KCNC2: variants seen among roughly 807,000 people sequenced by gnomAD.
KCNC2 encodes the protein potassium voltage-gated channel subfamily C member 2, also known as voltage-gated potassium channel KCNC2.
A neutral mutation model predicts 44.5 loss-of-function variants in KCNC2; 21 were observed. The observed-to-expected ratio is 0.47, with a 90% confidence interval of 0.33 to 0.68. The LOEUF (loss-of-function observed/expected upper bound fraction) is 0.68, where lower values mean the gene tolerates loss of function less well. Among genes scored for constraint, KCNC2 ranks in the 30% least tolerant of loss-of-function variants. The pLI is 0.01. For synonymous variants in KCNC2, 391 were observed against 339.1 expected, an observed-to-expected ratio of 1.15 and a Z score of -1.68; for missense variants, 589 against 826.2, an observed-to-expected ratio of 0.71 and a Z score of 3.52.
At chr12:75,066,328 G>T (rs968633217) in intron 2 of KCNC2, among the ~76,000 whole-genome samples, 1 of 152,060 alleles carries the variant, frequency 6.6e-6, no homozygotes, top group Non-Finnish European at 1.5e-5. Flanking sequence ...TGCAGCATTG[G>T]AAGTAATATT....
intron 2 of KCNC2, among the ~76,000 whole-genome samples, chr12:75,080,855 T>C (rs983317547): frequency 1.3e-5 from 2 of 152,092 alleles, no homozygotes; most frequent in Admixed American, 6.6e-5. Context: ...AGATAGTCAT[T>C]CGAGTTTTTA....
intron 2 of KCNC2, among the ~76,000 whole-genome samples, chr12:75,090,791 T>C (rs1004497657): frequency 6.9e-6 from 1 of 145,252 alleles, no homozygotes; most frequent in Non-Finnish European, 1.5e-5. Flanking sequence ...TCATCCTCAT[T>C]ACCATCATCA....
intron 2 of KCNC2, among the ~76,000 whole-genome samples, chr12:75,111,055 G>A (rs12314773): frequency 0.14 from 21,376 of 151,946 alleles, 1,734 homozygotes; most frequent in Middle Eastern, 0.27. Context: ...CATTTTTATA[G>A]ATGATTTGCC....
chr12:75,162,766 T>C lies in KCNC2; in HGVS notation c.687+44531A>G, dbSNP rs1891202966. Among the ~76,000 whole-genome samples the C allele has an allele frequency of 2.0e-5, 3 of 151,804 alleles. No homozygotes were observed. The South Asian group carries it at 6.2e-4, about 31-fold the overall frequency. ...TTCCCTTTCTTGTGGTTGTATTCTT[T>C]GAGAGAGGTAACTTAACCCCTCTCC... is the stretch of plus-strand genomic sequence containing the variant. On this transcript the variant is annotated intron_variant, in intron 2 of 4. Coordinates refer to ENST00000549446, the MANE Select transcript of KCNC2 (RefSeq NM_139137.4).
intron 2 of KCNC2, among the ~76,000 whole-genome samples, chr12:75,138,386 C>T (rs1353741167): frequency 6.6e-6 from 1 of 152,030 alleles, no homozygotes; most frequent in Non-Finnish European, 1.5e-5. Context: ...TGCAAGTAGA[C>T]CTGAGGTTAC....
chr12:75,174,831 A>T (rs1313539066), intron 2 of KCNC2, among the ~76,000 whole-genome samples: 1 of 151,998 alleles, frequency 6.6e-6, no homozygotes, highest in Non-Finnish European at 1.5e-5. Context: ...GTTCTATTGA[A>T]TTAACCATGG....
In KCNC2 at chr12:75,043,080, G is replaced by A. The variant is rs368701896; in HGVS notation, c.*25C>T. ...GCACTTGAATTAATACAATTTAGCC[G>A]ACTGATGCAGTTTGGTTGTTTGGTT... On this transcript the variant is annotated 3_prime_UTR_variant, in exon 5 of 5. Coordinates refer to ENST00000549446, the MANE Select transcript of KCNC2 (RefSeq NM_139137.4). The A allele has an allele frequency of 6.5e-5, 104 of 1,609,532 alleles. No individual in the cohort carries two copies. The Admixed American group carries it at 8.4e-4, about 13-fold the overall frequency.
intron 2 of KCNC2, among the ~76,000 whole-genome samples, chr12:75,172,038 C>T (rs1891860132): frequency 6.6e-6 from 1 of 151,668 alleles, no homozygotes; most frequent in African/African-American, 2.4e-5. Flanking sequence ...AAATAAATAG[C>T]CATCACCATA....
At chr12:75,208,112 G>T in intron 1 of KCNC2, 110 bp from the exon 2 acceptor site, 1 of 1,309,696 alleles carries the variant, frequency 7.6e-7, no homozygotes, top group Non-Finnish European at 1.1e-6. Flanking sequence ...TTGGCAGACA[G>T]GCACGGGGCA....
intron 2 of KCNC2, among the ~76,000 whole-genome samples, chr12:75,097,443 A>G (rs989354497): frequency 1.3e-5 from 2 of 152,138 alleles, no homozygotes; most frequent in Non-Finnish European, 2.9e-5. Flanking sequence ...CATTAATTGT[A>G]ACAAATGTAC....
intron 2 of KCNC2, among the ~76,000 whole-genome samples, chr12:75,185,145 G>A (rs1892848946): frequency 6.6e-6 from 1 of 152,088 alleles, no homozygotes; most frequent in African/African-American, 2.4e-5. Context: ...AACTTAACTT[G>A]CAATTCTTAA....
At position 75,207,814 on chromosome 12, in the gene KCNC2, G is replaced by A. The variant is rs766911910; in HGVS notation, c.170C>T (p.Ser57Leu). Residue 57 changes from serine (S) to leucine (L), a missense_variant, in exon 2 of 5, where the codon TCG becomes TTG. Around this residue, in one of 7 missense-constraint regions of KCNC2, gnomAD observed 148 missense variants for 140.1 expected, o/e 1.06. Transcript: ENST00000549446. This position sits in a 1 kb window ranked among gnomAD's most constrained non-coding sequence, Gnocchi z 4.1. ...CGGCGGCGGCGACAGTGGAGGCGGCGACGGCTGCAGCTTGTCGCCCGCCGT... is the reference window on the plus strand; with the variant it reads ...CGGCGGCGGCGACAGTGGAGGCGGCAACGGCTGCAGCTTGTCGCCCGCCGT... ...LTTAGDKLQP[S>L]PPPLSPPPRA... 1 of 1,603,614 alleles carries A rather than the reference G, an allele frequency of 6.2e-7. No individual in the cohort carries two copies. Among genetic ancestry groups the A allele is most frequent in the African/African-American group, 1.3e-5 (1 of 74,212 alleles).
At chr12:75,182,516 G>A (rs548832308) in intron 2 of KCNC2, among the ~76,000 whole-genome samples, 15 of 93,792 alleles carry the variant, frequency 1.6e-4, no homozygotes, top group Admixed American at 1.5e-3. Flanking sequence ...GCGAGATTCC[G>A]TCTCAAAAAA....
At chr12:75,148,592 T>C (rs1462935396) in intron 2 of KCNC2, among the ~76,000 whole-genome samples, 2 of 152,174 alleles carry the variant, frequency 1.3e-5, no homozygotes, top group East Asian at 3.9e-4. Context: ...TTTTGAAAGA[T>C]TAAAAGAAGA....
chr12:75,150,879 C>T (rs73355638), intron 2 of KCNC2, among the ~76,000 whole-genome samples: 7,846 of 151,790 alleles, frequency 0.052, 237 homozygotes, highest in African/African-American at 0.076. Context: ...CTATGTAAAA[C>T]GTAACCTTCA....
chr12:75,206,238 T>C (rs1223640866), intron 2 of KCNC2, among the ~76,000 whole-genome samples: 2 of 152,206 alleles, frequency 1.3e-5, no homozygotes, highest in African/African-American at 4.8e-5. Flanking sequence ...TTTCTGGGTG[T>C]CGGAAGCAAA....
intron 2 of KCNC2, among the ~76,000 whole-genome samples, chr12:75,161,913 C>T (rs888447154): frequency 1.3e-5 from 2 of 151,748 alleles, no homozygotes; most frequent in Non-Finnish European, 1.5e-5. Context: ...AAGAAAGATG[C>T]TCTCAGTAAC....
intron 2 of KCNC2, among the ~76,000 whole-genome samples, chr12:75,182,520 C>CAAAAAAAAAAAAAAAAAAAAA (rs71438888): frequency 6.1e-5 from 5 of 81,426 alleles, no homozygotes; most frequent in African/African-American, 1.6e-4. Flanking sequence ...GATTCCGTCT[C>CAAAAAAAAAAAAAAAAAAAAA]AAAAAAAAAA....
intron 2 of KCNC2, among the ~76,000 whole-genome samples, chr12:75,143,006 T>C (rs964093559): frequency 2.0e-5 from 3 of 152,046 alleles, no homozygotes; most frequent in African/African-American, 4.8e-5. Context: ...TTAGGCCCAT[T>C]CCCAACTCTC....
Sources: allele counts gnomAD v4.1 joint callset (sites outside exome capture counted in the v4.1 genomes callset), GRCh38; gene constraint gnomAD v4.1.1; regional missense constraint gnomAD v4.1.1; non-coding constraint Gnocchi (gnomAD v3.1); transcripts MANE v1.5; gene names NCBI Gene and HGNC (gene_info 2026-07-23, HGNC 2026-07-21).